The following USH2A variants were observed in gnomAD, a reference collection of about 807,000 sequenced individuals.
USH2A encodes the protein Usher syndrome 2A (autosomal recessive, mild).
In USH2A, 443 loss-of-function variants were observed where a neutral mutation model predicts 538.9. The ratio of observed to expected loss-of-function variants is 0.82; its 90% CI spans 0.76 to 0.89. The LOEUF (loss-of-function observed/expected upper bound fraction) is 0.89. USH2A is among the 40% of genes least tolerant of loss of function. The pLI is 0.00. For synonymous variants in USH2A, 2,413 were observed against 2,273.5 expected (o/e 1.06, Z -1.75); for missense variants, 6,633 against 6,324.8 (o/e 1.05, Z -1.65).
intron 32 of USH2A, among the ~76,000 whole-genome samples, chr1:216,036,815 G>C (rs552287580): frequency 3.1e-4 from 47 of 151,970 alleles, no homozygotes; most frequent in Admixed American, 1.2e-3. Flanking sequence ...TAGATCAGAG[G>C]GTTCTGAATG....
At chr1:215,639,898 C>G (rs1055314778) in intron 68 of USH2A, among the ~76,000 whole-genome samples, 1 of 152,158 alleles carries the variant, frequency 6.6e-6, no homozygotes, top group Non-Finnish European at 1.5e-5. Context: ...ACCTTACAGC[C>G]AAAATAAAAT....
At chr1:216,248,389 T>C (rs1285755749) in intron 12 of USH2A, among the ~76,000 whole-genome samples, 10 of 152,060 alleles carry the variant, frequency 6.6e-5, no homozygotes, top group Admixed American at 6.6e-4. Context: ...TCCATGAATT[T>C]AAATAACTCA....
chr1:215,810,604 T>C (rs1662641549), intron 49 of USH2A, among the ~76,000 whole-genome samples: 1 of 152,138 alleles, frequency 6.6e-6, no homozygotes, highest in Non-Finnish European at 1.5e-5. Context: ...GTGTGAAGAA[T>C]GGTAGGAATT....
rs1418599440 is a variant in USH2A at position 215,623,506 on chromosome 1, A to C, written c.*2275T>G. Reference sequence around the variant, plus strand: ...GAGGCGAGTCTGCATGGTTTGTATAATAGAGGCTTGGCACGCAATACCACT... The same window carrying C: ...GAGGCGAGTCTGCATGGTTTGTATACTAGAGGCTTGGCACGCAATACCACT... On this transcript the variant is annotated 3_prime_UTR_variant, in exon 72 of 72. Transcript: ENST00000307340. The C allele has an allele frequency of 6.6e-6, 1 of 151,122 alleles. No homozygotes were observed. The highest frequency in any genetic ancestry group is 1.5e-5 in the Non-Finnish European group (1 of 67,414). 9.4% of individuals were successfully genotyped at this position (151,122 alleles called of 1,614,324 possible). A position where few individuals can be genotyped will look rare whatever the true frequency, so the allele number is the denominator to read the frequency against.
At chr1:216,055,112 A>G (rs2030933525) in intron 30 of USH2A, among the ~76,000 whole-genome samples, 1 of 152,026 alleles carries the variant, frequency 6.6e-6, no homozygotes, top group Non-Finnish European at 1.5e-5. Context: ...CATCTAAATG[A>G]TATCTTCTAC....
intron 15 of USH2A, among the ~76,000 whole-genome samples, chr1:216,212,728 T>G (rs1323571370): frequency 1.3e-5 from 2 of 151,220 alleles, no homozygotes; most frequent in African/African-American, 4.9e-5. Context: ...TATGTAGGGG[T>G]GTGTGTGTGT....
In USH2A at chr1:216,331,517, A is replaced by G. The variant is rs77567210; in HGVS notation, c.785-3863T>C. On this transcript the variant is annotated intron_variant, in intron 4 of 71. Transcript: ENST00000307340. ...ATATAAATCAGGGTAAAAACAGATAATAAGGCTAAGTAACAAATGTCACAA... is the reference window on the plus strand; with the variant it reads ...ATATAAATCAGGGTAAAAACAGATAGTAAGGCTAAGTAACAAATGTCACAA... 1.9e-3 allele frequency among the ~76,000 whole-genome samples: 283 copies of G among 152,216 alleles called. 2 individuals carry two copies. The East Asian group carries it at 0.047, about 25-fold the overall frequency.
intron 46 of USH2A, among the ~76,000 whole-genome samples, chr1:215,842,492 T>C (rs139169296): frequency 0.014 from 2,093 of 152,282 alleles, 52 homozygotes; most frequent in African/African-American, 0.048. Context: ...CATTCTATTA[T>C]AAAGATACAA....
In USH2A at chr1:216,422,245, G is replaced by C; in HGVS notation, c.92C>G (p.Thr31Ser). The change falls in exon 2 of 72, where the codon ACT becomes AGT. Residue 31 changes from threonine (T) to serine (S), a missense_variant. Transcript: ENST00000307340. ...CCTTGGGAAAAGACCTCGTGACTCA[G>C]TCAAGGATATTGAAGCAAAATAGGC... ...IFAYFASISL[T>S]ESRGLFPRLE... The C allele has an allele frequency of 6.2e-7, 1 of 1,613,584 alleles. No individual in the cohort carries two copies.
At chr1:215,905,127 T>C (rs1438208975) in intron 38 of USH2A, among the ~76,000 whole-genome samples, 1 of 152,100 alleles carries the variant, frequency 6.6e-6, no homozygotes, top group Non-Finnish European at 1.5e-5. Context: ...TATAAAACTC[T>C]GGGAGTGAGC....
intron 58 of USH2A, among the ~76,000 whole-genome samples, chr1:215,750,884 T>C (rs1217787719): frequency 6.6e-6 from 1 of 152,158 alleles, no homozygotes; most frequent in Non-Finnish European, 1.5e-5. Flanking sequence ...GAGATATATG[T>C]TAATCTCTTA....
At chr1:215,716,713 T>C (rs1659499121) in intron 61 of USH2A, among the ~76,000 whole-genome samples, 1 of 152,228 alleles carries the variant, frequency 6.6e-6, no homozygotes, top group East Asian at 1.9e-4. Context: ...ATGTGAATAT[T>C]TAATAATTCA....
intron 32 of USH2A, among the ~76,000 whole-genome samples, chr1:216,021,565 G>A (rs1187690260): frequency 6.6e-6 from 1 of 152,090 alleles, no homozygotes; most frequent in Non-Finnish European, 1.5e-5. Flanking sequence ...GTGCCCTGAA[G>A]ATTTTGGTCC....
At chr1:216,377,990 G>T (rs1255610328) in intron 3 of USH2A, among the ~76,000 whole-genome samples, 2 of 151,932 alleles carry the variant, frequency 1.3e-5, no homozygotes, top group South Asian at 2.1e-4. Context: ...ATTTGGTGGG[G>T]CTGTGTGCTT....
rs74481190 is a variant in USH2A at position 215,987,722 on chromosome 1, A to T, written c.6805+5298T>A. Reference sequence around the variant, plus strand: ...AAAACCACAGAAATGTCCATCAATAAAAAGATGGGTCTTGTAAGCTGTAGT... The same window carrying T: ...AAAACCACAGAAATGTCCATCAATATAAAGATGGGTCTTGTAAGCTGTAGT... On this transcript the variant is annotated intron_variant, in intron 35 of 71. Coordinates refer to ENST00000307340, the MANE Select transcript of USH2A (RefSeq NM_206933.4). Among the ~76,000 whole-genome samples the T allele has an allele frequency of 3.4e-3, 525 of 152,288 alleles. 3 individuals are homozygous for T. The highest frequency in any genetic ancestry group is 0.012 in the African/African-American group (489 of 41,560).
At chr1:216,327,246 G>C (rs2037751873) in intron 5 of USH2A, among the ~76,000 whole-genome samples, 2 of 151,998 alleles carry the variant, frequency 1.3e-5, no homozygotes, top group African/African-American at 4.8e-5. Context: ...ATTTAAAAAA[G>C]GCAGATGTAG....
In USH2A at chr1:216,153,326, A is replaced by G. The variant is rs375264027; in HGVS notation, c.4627+21926T>C. Among the ~76,000 whole-genome samples, 12 of 152,250 alleles carry G rather than the reference A, an allele frequency of 7.9e-5. No homozygotes were observed. The East Asian group carries it at 2.3e-3, about 30-fold the overall frequency. ...CAAGCACCCACCCCTAGATACTACC[A>G]TGGGACTGGAGCCCAAAAGTTCTTG... On this transcript the variant is annotated intron_variant, in intron 21 of 71. Coordinates refer to ENST00000307340, the MANE Select transcript of USH2A (RefSeq NM_206933.4).
chr1:215,786,300 T>G (rs1026260451), intron 52 of USH2A, among the ~76,000 whole-genome samples: 17 of 152,204 alleles, frequency 1.1e-4, no homozygotes, highest in Non-Finnish European at 2.2e-4. Context: ...CATCCTTCTT[T>G]CTGCTTAAGA....
intron 47 of USH2A, among the ~76,000 whole-genome samples, chr1:215,819,449 A>G (rs1375229291): frequency 6.6e-6 from 1 of 151,818 alleles, no homozygotes; most frequent in Admixed American, 6.6e-5. Context: ...GGGTACAAAC[A>G]TAACACATTC....
Sources: allele counts gnomAD v4.1 joint callset (sites outside exome capture counted in the v4.1 genomes callset), GRCh38; gene constraint gnomAD v4.1.1; transcripts MANE v1.5; gene names NCBI Gene and HGNC (gene_info 2026-07-23, HGNC 2026-07-21).